Variants in COL16A1 observed in about 807,000 individuals in gnomAD.
COL16A1 encodes collagen type XVI alpha 1 chain.
In COL16A1, 189 loss-of-function variants were observed where a neutral mutation model predicts 266.3. That is an observed-to-expected ratio of 0.71 (90% CI 0.63 to 0.80). The LOEUF is 0.80. COL16A1 is among the 30% of genes least tolerant of loss of function. The pLI is 0.00. For synonymous variants in COL16A1, 740 were observed against 782.3 expected (o/e 0.95, Z 0.90); for missense variants, 1,928 against 2,122.4 (o/e 0.91, Z 1.80).
Position 31,658,523 on chromosome 1 carries a change from C to T in COL16A1, c.3985G>A (p.Gly1329Ser). 9 of 1,605,480 alleles carry T rather than the reference C, an allele frequency of 5.6e-6. No individual in the cohort carries two copies. Among genetic ancestry groups the T allele is most frequent in the Non-Finnish European group, 7.6e-6 (9 of 1,176,894 alleles). Residue 1329 changes from glycine to serine, a missense_variant, in exon 64 of 71, where the codon GGC becomes AGC. Gly to Ser is a moderately conservative substitution (Grantham distance 56). Around this residue, in one of 2 missense-constraint regions of COL16A1, gnomAD observed 376 missense variants for 485.2 expected, o/e 0.77. Coordinates refer to ENST00000373672, the MANE Select transcript of COL16A1 (RefSeq NM_001856.4). ...TGERGLAGLP[G>S]QPGPPGHPGP... ...GGGTGTCCAGGGGGGCCGGGCTGGCCTGGGAGGCCTGCAAGGCCCCTTTCT... is the reference window on the plus strand; with the variant it reads ...GGGTGTCCAGGGGGGCCGGGCTGGCTTGGGAGGCCTGCAAGGCCCCTTTCT...
At chr1:31,690,481 G>C in intron 21 of COL16A1, 48 bp downstream of exon 21, 1 of 1,614,170 alleles carries the variant, frequency 6.2e-7, no homozygotes, top group Non-Finnish European at 8.5e-7. Context: ...CCTCCCTCCA[G>C]AGGCCTTGGA....
intron 42 of COL16A1, 142 bp downstream of exon 42, chr1:31,679,490 A>G (rs1172313622): frequency 6.2e-7 from 1 of 1,613,638 alleles, no homozygotes; most frequent in Non-Finnish European, 8.5e-7. Context: ...CCACCCTGGG[A>G]GGCAGGTAAA....
chr1:31,665,603 G>A lies in COL16A1; in HGVS notation c.3472C>T (p.Pro1158Ser), dbSNP rs182423213. 6.2e-7 allele frequency: 1 copy of A among 1,613,974 alleles called. No homozygotes were observed. Among genetic ancestry groups the A allele is most frequent in the East Asian group, 2.2e-5 (1 of 44,876 alleles). The change falls in exon 55 of 71, where the codon CCA (proline) becomes TCA (serine). Residue 1158 changes from proline to serine, a missense_variant. Coordinates refer to ENST00000373672, the MANE Select transcript of COL16A1 (RefSeq NM_001856.4). ...EKGDQGFQGQ[P>S]GFPGPPGPPG... ...CTCACCGGTGGGCCCGGAAAGCCTGGCTGGCCTTGAAATCCCTAGGGTGAG... is the reference window on the plus strand; with the variant it reads ...CTCACCGGTGGGCCCGGAAAGCCTGACTGGCCTTGAAATCCCTAGGGTGAG...
intron 13 of COL16A1, 53 bp downstream of exon 13, chr1:31,693,039 C>T: frequency 1.6e-6 from 2 of 1,239,460 alleles, no homozygotes; most frequent in South Asian, 2.5e-5. Context: ...TCCCACCTCA[C>T]CCCAGGGCAC....
intron 16 of COL16A1, among the ~76,000 whole-genome samples, 157 bp from the exon 17 acceptor site, chr1:31,692,224 C>A (rs1644303187): frequency 1.3e-5 from 2 of 152,228 alleles, no homozygotes; most frequent in East Asian, 3.9e-4. Flanking sequence ...AGACAACAGA[C>A]CAGACAACAG....
Position 31,656,552 on chromosome 1 carries a change from G to T in COL16A1, c.4057-108C>A. On this transcript the variant is annotated intron_variant, in intron 65 of 70. Transcript: ENST00000373672. The surrounding 1 kb of genome is among the most constrained non-coding windows in gnomAD (Gnocchi z 4.2). ...CTTCCACAGCCTGAGGCCCCCAGGT[G>T]TGTCCAGCCCAGCTCTGTGTGAGAA... 1 of 1,515,848 alleles carries T rather than the reference G, an allele frequency of 6.6e-7. No individual in the cohort carries two copies. Among genetic ancestry groups the T allele is most frequent in the South Asian group, 1.2e-5 (1 of 80,726 alleles). The allele number at this position is 1,515,848 out of a possible 1,614,324, so 93.9% of individuals were successfully genotyped here. A position where few individuals can be genotyped will look rare whatever the true frequency, so the allele number is the denominator to read the frequency against.
At position 31,700,092 on chromosome 1, in the gene COL16A1, G is replaced by C; in HGVS notation, c.97C>G (p.Gln33Glu). The C allele has an allele frequency of 6.2e-7, 1 of 1,614,206 alleles. No homozygotes were observed. The highest frequency in any genetic ancestry group is 8.5e-7 in the Non-Finnish European group (1 of 1,180,034). ...CTGTGTTCCAATTTGAGTCCTTCCT[G>C]CTGTGAAGGTGGGCATTGTGCACCT... ...NTGAQCPPSQ[Q>E]EGLKLEHSSS... The change falls in exon 3 of 71, where the codon CAG (glutamine) becomes GAG (glutamate). Residue 33 changes from glutamine (Q) to glutamate (E), a missense_variant. Transcript: ENST00000373672.
rs200825439 is a variant in COL16A1, at chr1:31,668,889, C to G, written c.3196-34G>C. 6.2e-7 allele frequency: 1 copy of G among 1,601,934 alleles called. No individual in the cohort carries two copies. The highest frequency in any genetic ancestry group is 1.3e-5 in the African/African-American group (1 of 74,648). ...GAAAAATCATGAGAAACTGCAGGAG[C>G]CGGCGGTCCCCACCCAGCCCCTGAC... On this transcript the variant is annotated intron_variant, in intron 49 of 70. Coordinates refer to ENST00000373672, the MANE Select transcript of COL16A1 (RefSeq NM_001856.4). This position sits in a 1 kb window ranked among gnomAD's most constrained non-coding sequence, Gnocchi z 5.8.
rs761543853 is a variant in COL16A1 at position 31,661,667 on chromosome 1, C to A, written c.3719G>T (p.Gly1240Val). 1.2e-6 allele frequency: 2 copies of A among 1,612,974 alleles called. No homozygotes were observed. The highest frequency in any genetic ancestry group is 2.2e-5 in the South Asian group (2 of 90,900). The change falls in exon 59 of 71, where the codon GGA (glycine) becomes GTA (valine). Residue 1240 changes from glycine (G) to valine (V), a missense_variant. Gly to Val is a moderately radical substitution (Grantham distance 109). Transcript: ENST00000373672. Reference sequence around the variant, plus strand: ...TCCTGCAGCTCAACTTACCGGTGGTCCCATGAGTCCAGGGGGGCCAGCAGG... The same window carrying A: ...TCCTGCAGCTCAACTTACCGGTGGTACCATGAGTCCAGGGGGGCCAGCAGG... ...PGPAGPPGLM[G>V]PPGFKGKTGH...
chr1:31,667,644 G>A lies in COL16A1; in HGVS notation c.3304-16C>T. 6.2e-7 allele frequency: 1 copy of A among 1,600,930 alleles called. No individual in the cohort carries two copies. Among genetic ancestry groups the A allele is most frequent in the Non-Finnish European group, 8.5e-7 (1 of 1,173,794 alleles). On this transcript the variant is annotated splice_polypyrimidine_tract_variant and intron_variant, in intron 51 of 70. Coordinates refer to ENST00000373672, the MANE Select transcript of COL16A1 (RefSeq NM_001856.4). ...CCTTGATGCCCTGACAAGTGGCAAA[G>A]AGACAGTGGAATTAGCCCCACAGAA...
Position 31,675,301 on chromosome 1 carries a change from C to T in COL16A1, c.2783G>A (p.Gly928Glu), listed in dbSNP as rs747709313. The T allele has an allele frequency of 6.2e-7, 1 of 1,614,064 alleles. No homozygotes were observed. The highest frequency in any genetic ancestry group is 2.2e-5 in the East Asian group (1 of 44,878). Reference protein sequence around the residue: ...PGVPGLQGVPGNNGLPGQPGL... With the variant: ...PGVPGLQGVPENNGLPGQPGL... Reference sequence around the variant, plus strand: ...AGGCTGTCCTGGCAAACCGTTGTTTCCAGGCACTCCCTGTAGCCAAGAAGA... The same window carrying T: ...AGGCTGTCCTGGCAAACCGTTGTTTTCAGGCACTCCCTGTAGCCAAGAAGA... Residue 928 changes from glycine (G) to glutamate (E), a missense_variant, in exon 43 of 71, where the codon GGA (glycine) becomes GAA (glutamate). Gly to Glu is a moderately conservative substitution (Grantham distance 98). This residue lies in a region of COL16A1 where 1,552 missense variants were observed against 1,637.2 expected (regional missense o/e 0.95). Coordinates refer to ENST00000373672, the MANE Select transcript of COL16A1 (RefSeq NM_001856.4).
In COL16A1 at chr1:31,661,080, G is replaced by A. The variant is rs182840470; in HGVS notation, c.3811C>T (p.Arg1271Trp). 2.1e-4 allele frequency: 330 copies of A among 1,565,884 alleles called. No individual in the cohort carries two copies. Among genetic ancestry groups the A allele is most frequent in the Middle Eastern group, 1.2e-3 (7 of 5,998 alleles). The change falls in exon 61 of 71, where the codon CGG becomes TGG. Residue 1271 changes from arginine to tryptophan, a missense_variant. Transcript: ENST00000373672. ...GKPGPPGSTG[R>W]PGAEGEPGAM... ...CTGGCCCTCACCTCTGCGCCAGGCC[G>A]GCCAGTGCTGCCAGGGGGACCTGGT...
intron 26 of COL16A1, among the ~76,000 whole-genome samples, chr1:31,687,380 T>TC (rs1192074718): frequency 2.4e-3 from 203 of 83,388 alleles, no homozygotes; most frequent in African/African-American, 0.012. Context: ...AGACTCAGTC[T>TC]CAAAAAAAAA....
At chr1:31,695,929 C>T (rs1342193330) in intron 9 of COL16A1, 142 bp from the exon 10 acceptor site, 1 of 988,632 alleles carries the variant, frequency 1.0e-6, no homozygotes, top group African/African-American at 1.6e-5. Context: ...CCCATCCGTC[C>T]TTCTTGATCA....
At chr1:31,666,176 G>T in intron 52 of COL16A1, 95 bp from the exon 53 acceptor site, 1 of 1,333,368 alleles carries the variant, frequency 7.5e-7, no homozygotes, top group African/African-American at 1.5e-5. Context: ...AACAGAGGTG[G>T]CATGTGCTGG....
Position 31,672,789 on chromosome 1 carries a change from C to T in COL16A1, c.2911G>A (p.Val971Met), listed in dbSNP as rs756423800. Residue 971 changes from valine (V) to methionine (M), a missense_variant, in exon 45 of 71, where the codon GTG becomes ATG. Physicochemically the swap from Val to Met is conservative, Grantham distance 21 (BLOSUM62 1). This residue lies in a region of COL16A1 where 1,552 missense variants were observed against 1,637.2 expected (regional missense o/e 0.95). Coordinates refer to ENST00000373672, the MANE Select transcript of COL16A1 (RefSeq NM_001856.4). Reference sequence around the variant, plus strand: ...TGGTCTCCCTTCTCTCCCTTCTCCACGAGGTACCCTGGGTGGGCCCTCTGC... The same window carrying T: ...TGGTCTCCCTTCTCTCCCTTCTCCATGAGGTACCCTGGGTGGGCCCTCTGC... ...QGQRAHPGYL[V>M]EKGEKGDQGI... 4.3e-6 allele frequency: 7 copies of T among 1,614,164 alleles called. No homozygotes were observed. Among genetic ancestry groups the T allele is most frequent in the Admixed American group, 1.7e-5 (1 of 60,026 alleles).
chr1:31,655,179 A>G (rs1641013187), intron 67 of COL16A1, 135 bp downstream of exon 67: 1 of 1,400,212 alleles, frequency 7.1e-7, no homozygotes, highest in Non-Finnish European at 9.5e-7. Flanking sequence ...TTCCGCACAC[A>G]GTTAAGAGCT....
Position 31,683,711 on chromosome 1 carries a change from G to C in COL16A1, c.2375C>G (p.Pro792Arg). Residue 792 changes from proline to arginine, a missense_variant, in exon 34 of 71, where the codon CCC (proline) becomes CGC (arginine). Transcript: ENST00000373672. The stretch of plus-strand genomic sequence containing the variant: ...AAGGCAGGGCTAGAGACTCACCTGG[G>C]GTCCCTGGACTCCCCTTCCTGGAGG... The part of the protein sequence containing the change: ...PGPPGRGVQG[P>R]QGEPGAPGLP... 4 of 1,614,124 alleles carry C rather than the reference G, an allele frequency of 2.5e-6. No individual in the cohort carries two copies. The highest frequency in any genetic ancestry group is 3.4e-6 in the Non-Finnish European group (4 of 1,180,000).
chr1:31,666,110 ACTCCTC>A lies in COL16A1; in HGVS notation c.3358-35_3358-30del, dbSNP rs763724734. On this transcript the variant is annotated intron_variant, in intron 52 of 70. Coordinates refer to ENST00000373672, the MANE Select transcript of COL16A1 (RefSeq NM_001856.4). ...AGGATACAAAGGAACAGAATCAGTCACTCCTCCTGGGGAGGTGAAGGATGAGGTAGG... is the reference window on the plus strand; with the variant it reads ...AGGATACAAAGGAACAGAATCAGTCACTGGGGAGGTGAAGGATGAGGTAGG... 2.2e-5 allele frequency: 35 copies of A among 1,601,058 alleles called. 1 individual carries two copies. In the South Asian group the frequency reaches 2.4e-4, roughly 11 times the overall value.
Sources: gnomAD v4.1 joint callset for allele counts (sites outside exome capture counted in the v4.1 genomes callset) on GRCh38, gnomAD v4.1.1 for gene constraint, gnomAD v4.1.1 regional missense constraint, Gnocchi (gnomAD v3.1) non-coding constraint, MANE v1.5 for transcripts, NCBI Gene and HGNC (gene_info 2026-07-23, HGNC 2026-07-21) for gene names.